Variants in VPS26A observed in about 807,000 individuals in gnomAD.
The protein encoded by VPS26A is VPS26 retromer complex component A.
VPS26A carries 22 observed loss-of-function variants against 42.4 expected under a neutral mutation model. The observed-to-expected ratio is 0.52, with a 90% confidence interval of 0.37 to 0.74. The LOEUF is 0.74. Among genes scored for constraint, VPS26A ranks in the 30% least tolerant of loss-of-function variants. The pLI is 0.00. For synonymous variants in VPS26A, 110 were observed against 123.5 expected, an observed-to-expected ratio of 0.89 and a Z score of 0.73; for missense variants, 276 against 379.2, an observed-to-expected ratio of 0.73 and a Z score of 2.26.
Position 69,171,449 on chromosome 10 carries a change from G to C in VPS26A, c.*180G>C. ...ATGATATAATGAAATGTTCGTTCAT[G>C]TATATACATTTTTAAAAGTGCTTTC... On this transcript the variant is annotated 3_prime_UTR_variant, in exon 9 of 9. Transcript: ENST00000263559. The C allele has an allele frequency of 1.1e-5, 5 of 468,250 alleles. No individual in the cohort carries two copies. In the South Asian group the frequency reaches 1.7e-4, roughly 16 times the overall value. 29.0% of individuals were successfully genotyped at this position (468,250 alleles called of 1,614,324 possible).
chr10:69,174,374 A>C lies in VPS26A; in HGVS notation c.*3105A>C, dbSNP rs914852726. ...AAAAATCTACCCAGAGTTGGGAACC[A>C]CTGATCTAAACCATTAAAATTTTTA... On this transcript the variant is annotated 3_prime_UTR_variant, in exon 9 of 9. Coordinates refer to ENST00000263559, the MANE Select transcript of VPS26A (RefSeq NM_004896.5). Among the ~76,000 whole-genome samples the C allele has an allele frequency of 1.3e-5, 2 of 152,218 alleles. No homozygotes were observed. The highest frequency in any genetic ancestry group is 4.8e-5 in the African/African-American group (2 of 41,458).
rs79306627 is a variant in VPS26A at position 69,160,737 on chromosome 10, C to T, written c.552-1669C>T. ...AAAGTGCTGGGATTACAGGCGTGCC[C>T]GGCCTGACATAATTTATATTAACCA... On this transcript the variant is annotated intron_variant, in intron 5 of 8. Coordinates refer to ENST00000263559, the MANE Select transcript of VPS26A (RefSeq NM_004896.5). 8.5e-5 allele frequency among the ~76,000 whole-genome samples: 13 copies of T among 152,286 alleles called. No individual in the cohort carries two copies. The East Asian group carries it at 1.7e-3, about 20-fold the overall frequency.
Position 69,149,901 on chromosome 10 carries a change from G to A in VPS26A, c.154-5911G>A, listed in dbSNP as rs568080062. Among the ~76,000 whole-genome samples the A allele has an allele frequency of 2.4e-4, 37 of 151,392 alleles. 2 individuals are homozygous for A. The highest frequency in any genetic ancestry group is 8.5e-4 in the African/African-American group (35 of 41,230). ...AGCTGGAACAGGCGCGTGCCATCACGCCCTACTAATTTTTGTATTTTTAGT... is the reference window on the plus strand; with the variant it reads ...AGCTGGAACAGGCGCGTGCCATCACACCCTACTAATTTTTGTATTTTTAGT... On this transcript the variant is annotated intron_variant, in intron 2 of 8. Transcript: ENST00000263559.
In VPS26A at chr10:69,171,515, T is replaced by G; in HGVS notation, c.*246T>G. The G allele has an allele frequency of 3.1e-6, 1 of 321,414 alleles. No individual in the cohort carries two copies. The highest frequency in any genetic ancestry group is 4.9e-5 in the South Asian group (1 of 20,548). 19.9% of individuals were successfully genotyped at this position (321,414 alleles called of 1,614,324 possible). ...CTTTGTTAAGCTGCCTTTTTTTTTT[T>G]AACTTCCTACTTTGATGATAAGCAC... is the stretch of plus-strand genomic sequence containing the variant. On this transcript the variant is annotated 3_prime_UTR_variant, in exon 9 of 9. Coordinates refer to ENST00000263559, the MANE Select transcript of VPS26A (RefSeq NM_004896.5).
At chr10:69,130,588 T>C (rs1282984836) in intron 1 of VPS26A, among the ~76,000 whole-genome samples, 4 of 152,182 alleles carry the variant, frequency 2.6e-5, no homozygotes, top group Non-Finnish European at 5.9e-5. Flanking sequence ...AGTACACGAA[T>C]AGGTGTATAG....
At chr10:69,146,451 A>G (rs1261850573) in intron 2 of VPS26A, among the ~76,000 whole-genome samples, 9 of 152,190 alleles carry the variant, frequency 5.9e-5, no homozygotes, top group Non-Finnish European at 1.3e-4. Context: ...CCATTTTAAC[A>G]GTTTTAAAGT....
chr10:69,126,031 C>T (rs1403818855), intron 1 of VPS26A, among the ~76,000 whole-genome samples: 1 of 152,126 alleles, frequency 6.6e-6, no homozygotes, highest in African/African-American at 2.4e-5. Flanking sequence ...TTTTTATAGT[C>T]ATATATATTG....
chr10:69,148,454 A>G (rs549961032), intron 2 of VPS26A, among the ~76,000 whole-genome samples: 10 of 152,332 alleles, frequency 6.6e-5, no homozygotes, highest in East Asian at 1.9e-4. Flanking sequence ...TCTTTCATCA[A>G]TATGCATATG....
At chr10:69,145,123 C>T (rs1218103015) in intron 2 of VPS26A, among the ~76,000 whole-genome samples, 4 of 152,048 alleles carry the variant, frequency 2.6e-5, no homozygotes, top group Non-Finnish European at 2.9e-5. Flanking sequence ...GAAACCTCCG[C>T]GTCCCGGGTT....
chr10:69,141,731 T>A (rs973031283), intron 2 of VPS26A, among the ~76,000 whole-genome samples: 1 of 152,222 alleles, frequency 6.6e-6, no homozygotes, highest in African/African-American at 2.4e-5. Flanking sequence ...AACCTAATTA[T>A]GGTAATAACC....
At chr10:69,129,680 C>T (rs962784261) in intron 1 of VPS26A, among the ~76,000 whole-genome samples, 16 of 152,072 alleles carry the variant, frequency 1.1e-4, no homozygotes, top group East Asian at 3.9e-4. Flanking sequence ...CATACCACTA[C>T]GCCCAGTTAA....
intron 1 of VPS26A, among the ~76,000 whole-genome samples, chr10:69,130,297 TA>T (rs1318088155): frequency 6.6e-6 from 1 of 152,218 alleles, no homozygotes; most frequent in Admixed American, 6.5e-5. Flanking sequence ...TTGTGAAACC[TA>T]AATTTGGAGA....
chr10:69,168,095 C>T (rs1349728172), intron 7 of VPS26A, among the ~76,000 whole-genome samples: 1 of 152,106 alleles, frequency 6.6e-6, no homozygotes, highest in Non-Finnish European at 1.5e-5. Context: ...GTGATTTTTC[C>T]AAGGTCACAC....
Position 69,130,584 on chromosome 10 carries a change from C to A in VPS26A, c.4-2314C>A, listed in dbSNP as rs931190298. ...AGTAAAATAACTATGAAAAAGTACA[C>A]GAATAGGTGTATAGCTTGATGAATT... On this transcript the variant is annotated intron_variant, in intron 1 of 8. Transcript: ENST00000263559. Among the ~76,000 whole-genome samples the A allele has an allele frequency of 2.6e-5, 4 of 152,266 alleles. No individual in the cohort carries two copies. The South Asian group carries it at 8.3e-4, about 32-fold the overall frequency.
rs182583440 is a variant in VPS26A at position 69,167,596 on chromosome 10, T to C, written c.728-893T>C. ...CTCTACTAAAAATACAAAAAAAATT[T>C]GCAGGGCATGGTGGCAGGTGCCTGT... On this transcript the variant is annotated intron_variant, in intron 7 of 8. Transcript: ENST00000263559. Among the ~76,000 whole-genome samples, 3 of 150,940 alleles carry C rather than the reference T, an allele frequency of 2.0e-5. No homozygotes were observed. The East Asian group carries it at 5.9e-4, about 30-fold the overall frequency.
At chr10:69,141,624 T>G (rs958507740) in intron 2 of VPS26A, among the ~76,000 whole-genome samples, 82 of 152,356 alleles carry the variant, frequency 5.4e-4, no homozygotes, top group Middle Eastern at 3.4e-3. Flanking sequence ...CCACAGATTC[T>G]TCTGATCAGA....
chr10:69,144,155 G>C (rs1485624962), intron 2 of VPS26A, among the ~76,000 whole-genome samples: 1 of 152,142 alleles, frequency 6.6e-6, no homozygotes, highest in Non-Finnish European at 1.5e-5. Flanking sequence ...GTAGAGTTCT[G>C]TGTACTCCCT....
At position 69,161,468 on chromosome 10, in the gene VPS26A, AAAC is replaced by A. The variant is rs1364310110; in HGVS notation, c.552-935_552-933del. ...ATACTTTTTTGAAAAAAAGAACACT[AAAC>A]AATATGAATAATCAAAATGGTTGTT... is the stretch of plus-strand genomic sequence containing the variant. On this transcript the variant is annotated intron_variant, in intron 5 of 8. Transcript: ENST00000263559. 4 of 164,984 alleles carry A rather than the reference AAAC, an allele frequency of 2.4e-5. No individual in the cohort carries two copies. The South Asian group carries it at 5.8e-4, about 24-fold the overall frequency. 10.2% of individuals were successfully genotyped at this position (164,984 alleles called of 1,614,324 possible). A position where few individuals can be genotyped will look rare whatever the true frequency, so the allele number is the denominator to read the frequency against.
At chr10:69,135,617 C>A (rs7916991) in intron 2 of VPS26A, among the ~76,000 whole-genome samples, 131,357 of 152,196 alleles carry the variant, frequency 0.86, 56,974 homozygotes, top group Non-Finnish European at 0.9. Flanking sequence ...TACATTTTGG[C>A]ATTGCTGGAA....
Sources: allele counts gnomAD v4.1 joint callset (sites outside exome capture counted in the v4.1 genomes callset), GRCh38; gene constraint gnomAD v4.1.1; transcripts MANE v1.5; gene names NCBI Gene and HGNC (gene_info 2026-07-23, HGNC 2026-07-21).